XRCC5: variants seen among roughly 807,000 people sequenced by gnomAD.
XRCC5 encodes X-ray repair cross complementing 5, also known as DNA repair protein Ku80.
A neutral mutation model predicts 95.7 loss-of-function variants in XRCC5; 12 were observed. The observed-to-expected ratio is 0.13, with a 90% confidence interval of 0.08 to 0.20. The LOEUF (loss-of-function observed/expected upper bound fraction) is 0.20. Ranked by LOEUF, XRCC5 falls within the 10% of genes least tolerant of loss-of-function variation. The pLI is 1.00. For synonymous variants in XRCC5, 281 were observed against 290.3 expected, an observed-to-expected ratio of 0.97 and a Z score of 0.33; for missense variants, 595 against 873.9, an observed-to-expected ratio of 0.68 and a Z score of 4.02.
At chr2:216,189,015 C>T (rs1689562778) in intron 16 of XRCC5, among the ~76,000 whole-genome samples, 1 of 152,104 alleles carries the variant, frequency 6.6e-6, no homozygotes, top group South Asian at 2.1e-4. Context: ...TTAAAAAATA[C>T]TTCATCCAGT....
Position 216,192,621 on chromosome 2 carries a change from C to T in XRCC5, c.1945-18C>T, listed in dbSNP as rs375284159. 21 of 1,564,176 alleles carry T rather than the reference C, an allele frequency of 1.3e-5. No individual in the cohort carries two copies. Among genetic ancestry groups the T allele is most frequent in the Non-Finnish European group, 1.8e-5 (21 of 1,156,116 alleles). On this transcript the variant is annotated intron_variant, in intron 17 of 20. Transcript: ENST00000392132. ...TGCTCTGACTTGCTGCCTCCTCTAC[C>T]CCAACTTGCTACCACAGTTTTCAGA...
intron 14 of XRCC5, 36 bp from the exon 15 acceptor site, chr2:216,160,032 G>A: frequency 7.9e-7 from 1 of 1,263,580 alleles, no homozygotes; most frequent in Non-Finnish European, 1.1e-6. Flanking sequence ...GTTTTGTATT[G>A]TTTGTTCTAA....
In XRCC5 at chr2:216,116,776, C is replaced by G. The variant is rs1365379177; in HGVS notation, c.253C>G (p.Leu85Val). The change falls in exon 3 of 21, where the codon CTA (leucine) becomes GTA (valine). Residue 85 changes from leucine to valine, a missense_variant. This residue lies in a region of XRCC5 where 286 missense variants were observed against 491.1 expected (regional missense o/e 0.58). Transcript: ENST00000392132. The stretch of plus-strand genomic sequence containing the variant: ...CATCACAGTGCACAGACATCTGATG[C>G]TACCAGATTTTGATTTGCTGGAGGA... ...QNITVHRHLMLPDFDLLEDIE... is the reference protein window; with the variant it reads ...QNITVHRHLMVPDFDLLEDIE... The G allele has an allele frequency of 6.2e-7, 1 of 1,614,146 alleles. No homozygotes were observed. The highest frequency in any genetic ancestry group is 8.5e-7 in the Non-Finnish European group (1 of 1,180,018).
Position 216,181,447 on chromosome 2 carries a change from TAC to T in XRCC5, c.1835-8776_1835-8775del, listed in dbSNP as rs1242659112. ...TTCTGCCACTCCCGACCCATTCTTA[TAC>T]AGATTCCCTCTGTGAACCTTGTATT... On this transcript the variant is annotated intron_variant, in intron 16 of 20. Coordinates refer to ENST00000392132, the MANE Select transcript of XRCC5 (RefSeq NM_021141.4). Among the ~76,000 whole-genome samples the T allele has an allele frequency of 2.6e-5, 4 of 152,308 alleles. No individual in the cohort carries two copies. The East Asian group carries it at 7.7e-4, about 29-fold the overall frequency.
At chr2:216,153,063 C>A (rs955294936) in intron 14 of XRCC5, among the ~76,000 whole-genome samples, 2 of 152,172 alleles carry the variant, frequency 1.3e-5, no homozygotes, top group Admixed American at 6.5e-5. Context: ...TATTATCTTT[C>A]CTTCCAGAAG....
intron 18 of XRCC5, among the ~76,000 whole-genome samples, chr2:216,193,973 C>G (rs769831608): frequency 6.6e-6 from 1 of 152,192 alleles, no homozygotes; most frequent in African/African-American, 2.4e-5. Flanking sequence ...TAGACATGCC[C>G]CTTGGTGAAG....
intron 16 of XRCC5, among the ~76,000 whole-genome samples, chr2:216,171,674 T>C (rs1277196048): frequency 3.3e-5 from 5 of 152,236 alleles, no homozygotes; most frequent in Non-Finnish European, 5.9e-5. Flanking sequence ...ATTGCTCATA[T>C]AAGAACTACT....
Position 216,143,781 on chromosome 2 carries a change from C to T in XRCC5, c.1476+2462C>T, listed in dbSNP as rs140551330. Among the ~76,000 whole-genome samples, 1,256 of 150,400 alleles carry T rather than the reference C, an allele frequency of 8.4e-3. 16 individuals carry two copies. Among genetic ancestry groups the T allele is most frequent in the African/African-American group, 0.03 (1,215 of 39,944 alleles). On this transcript the variant is annotated intron_variant, in intron 13 of 20. Transcript: ENST00000392132. ...GGAGTGCAGTGGCGTGATCTTGGCT[C>T]ACTGTGAGCTCTGTCTCCTGGTTCA...
chr2:216,194,923 A>G lies in XRCC5; in HGVS notation c.2046A>G (p.Gly682=). The G allele has an allele frequency of 1.2e-6, 2 of 1,614,118 alleles. No individual in the cohort carries two copies. The highest frequency in any genetic ancestry group is 1.7e-6 in the Non-Finnish European group (2 of 1,179,978). The part of the protein sequence containing the change: ...NHFWEIVVQD[G]ITLITKEEAS... ...ACTCTCTGAATTACTTTTTAGATGG[A>G]ATTACTCTGATCACCAAAGAGGAAG... Residue 682 remains glycine (G), a synonymous_variant, in exon 19 of 21, where the codon GGA becomes GGG. Transcript: ENST00000392132.
At chr2:216,118,940 A>T in intron 4 of XRCC5, 103 bp from the exon 5 acceptor site, 2 of 1,214,102 alleles carry the variant, frequency 1.6e-6, no homozygotes, top group Non-Finnish European at 2.4e-6. Flanking sequence ...TATTAACTCT[A>T]GATCCATTTC....
At chr2:216,138,473 C>T (rs764609820) in intron 12 of XRCC5, among the ~76,000 whole-genome samples, 1 of 152,144 alleles carries the variant, frequency 6.6e-6, no homozygotes. Flanking sequence ...CAGAGTTTGC[C>T]CCTGCCGAAG....
chr2:216,171,481 T>C (rs1422216017), intron 16 of XRCC5, among the ~76,000 whole-genome samples: 3 of 152,248 alleles, frequency 2.0e-5, no homozygotes, highest in African/African-American at 4.8e-5. Flanking sequence ...CCTTATGTTT[T>C]AGAGGTTGGA....
At chr2:216,165,112 A>G (rs2106029624) in intron 16 of XRCC5, among the ~76,000 whole-genome samples, 1 of 152,354 alleles carries the variant, frequency 6.6e-6, no homozygotes, top group Non-Finnish European at 1.5e-5. Context: ...CAAAGATCAC[A>G]TAGGAATTCA....
intron 16 of XRCC5, among the ~76,000 whole-genome samples, chr2:216,189,322 A>T (rs1376688970): frequency 2.0e-5 from 3 of 152,234 alleles, no homozygotes; most frequent in African/African-American, 7.2e-5. Context: ...GAATGGTTTC[A>T]GGGGACAAGG....
intron 1 of XRCC5, among the ~76,000 whole-genome samples, chr2:216,109,712 C>T (rs1696550792): frequency 6.6e-6 from 1 of 151,494 alleles, no homozygotes; most frequent in Admixed American, 6.6e-5. Context: ...CCCTCTTCTC[C>T]CTCTCTACCT....
intron 14 of XRCC5, among the ~76,000 whole-genome samples, chr2:216,153,138 C>T (rs1358895454): frequency 6.6e-6 from 1 of 152,296 alleles, no homozygotes; most frequent in East Asian, 1.9e-4. Flanking sequence ...CCAGCTTTTG[C>T]CCCCACCACA....
chr2:216,167,867 C>T lies in XRCC5; in HGVS notation c.1834+5819C>T, dbSNP rs1689084782. On this transcript the variant is annotated intron_variant, in intron 16 of 20. Transcript: ENST00000392132. ...AAGAATTTGACATACTTTTTTAGTC[C>T]TTTCTCCAAATAGCATTGATACATC... Among the ~76,000 whole-genome samples the T allele has an allele frequency of 3.9e-5, 6 of 151,922 alleles. No individual in the cohort carries two copies. The South Asian group carries it at 1.2e-3, about 32-fold the overall frequency.
In XRCC5 at chr2:216,112,975, C is replaced by T. The variant is rs80130892; in HGVS notation, c.22-41C>T. The T allele has an allele frequency of 3.5e-5, 52 of 1,484,236 alleles. No homozygotes were observed. In the East Asian group the frequency reaches 3.8e-4, roughly 11 times the overall value. 91.9% of individuals were successfully genotyped at this position (1,484,236 alleles called of 1,614,324 possible). A position where few individuals can be genotyped will look rare whatever the true frequency, so the allele number is the denominator to read the frequency against. On this transcript the variant is annotated intron_variant, in intron 1 of 20. Transcript: ENST00000392132. ...GGGACATTCTTACAGTCTTTTCTTA[C>T]GACTTATTTTCTCAAACACTCTTTG...
chr2:216,200,967 A>C (rs1286830473), intron 19 of XRCC5, among the ~76,000 whole-genome samples: 1 of 152,244 alleles, frequency 6.6e-6, no homozygotes, highest in Admixed American at 6.5e-5. Flanking sequence ...CCTAGGAATT[A>C]GAACATGAAA....
Sources: allele counts gnomAD v4.1 joint callset (sites outside exome capture counted in the v4.1 genomes callset), GRCh38; gene constraint gnomAD v4.1.1; regional missense constraint gnomAD v4.1.1; transcripts MANE v1.5; gene names NCBI Gene and HGNC (gene_info 2026-07-23, HGNC 2026-07-21).